Variants in EPX observed in about 807,000 individuals in gnomAD.
The protein encoded by EPX is eosinophil peroxidase.
Under a neutral mutation model 73.0 loss-of-function variants are expected in EPX, and 60 were observed. The ratio of observed to expected loss-of-function variants is 0.82; its 90% CI spans 0.67 to 1.02. The LOEUF (loss-of-function observed/expected upper bound fraction) is 1.02. EPX is among the 50% of genes least tolerant of loss of function. The pLI, the probability that EPX is intolerant of heterozygous loss-of-function variation, is 0.00. For synonymous variants in EPX, 347 were observed against 389.2 expected (o/e 0.89, Z 1.28); for missense variants, 950 against 973.9 (o/e 0.98, Z 0.33).
chr17:58,193,077 G>T lies in EPX; in HGVS notation c.116G>T (p.Cys39Phe). 6.2e-7 allele frequency: 1 copy of T among 1,612,596 alleles called. No homozygotes were observed. Among genetic ancestry groups the T allele is most frequent in the Non-Finnish European group, 8.5e-7 (1 of 1,179,100 alleles). ...GTGGAGACCTCGGTCCTGCGAGACT[G>T]CATAGCAGAGGCCAAGTTGCTGGTG... ...GAVETSVLRDCIAEAKLLVDA... is the reference protein window; with the variant it reads ...GAVETSVLRDFIAEAKLLVDA... Residue 39 changes from cysteine to phenylalanine, a missense_variant, in exon 2 of 13, where the codon TGC becomes TTC. Cys to Phe is a radical substitution (Grantham distance 205). Transcript: ENST00000225371.
intron 6 of EPX, 74 bp from the exon 7 acceptor site, chr17:58,196,865 A>G: frequency 8.5e-7 from 1 of 1,176,654 alleles, no homozygotes; most frequent in African/African-American, 1.5e-5. Context: ...GGTTTTGAGG[A>G]GGTGGAAGAT....
In EPX at chr17:58,199,142, G is replaced by C. The variant is rs184419194; in HGVS notation, c.1223G>C (p.Arg408Pro). The C allele has an allele frequency of 2.5e-6, 4 of 1,613,950 alleles. No homozygotes were observed. Among genetic ancestry groups the C allele is most frequent in the African/African-American group, 2.7e-5 (2 of 74,910 alleles). ...LATELRRLNP[R>P]WNGDKLYNEA... ...ACCGAGCTGAGACGCCTGAATCCCC[G>C]GTGGAATGGAGACAAACTGTACAAT... is the stretch of plus-strand genomic sequence containing the variant. Residue 408 changes from arginine to proline, a missense_variant, in exon 8 of 13, where the codon CGG (arginine) becomes CCG (proline). Coordinates refer to ENST00000225371, the MANE Select transcript of EPX (RefSeq NM_000502.6).
intron 2 of EPX, 36 bp downstream of exon 2, chr17:58,193,167 G>T: frequency 6.9e-7 from 1 of 1,447,448 alleles, no homozygotes; most frequent in South Asian, 1.1e-5. Context: ...GGGCCTGGGA[G>T]GATCAGTGAG....
intron 8 of EPX, 106 bp downstream of exon 8, chr17:58,199,306 A>AC (rs1968305627): frequency 3.9e-6 from 5 of 1,289,762 alleles, no homozygotes. Context: ...GGTCTGGGCA[A>AC]CTGGCGGAGC....
In EPX at chr17:58,204,286, T is replaced by C. The variant is rs754198649; in HGVS notation, c.2011T>C (p.Leu671=). ...GCGCAAGGCCCTGAGCAGAATTTCC[T>C]TGTCTCGAATTATATGTGACAATAC... The part of the protein sequence containing the change: ...RQRKALSRIS[L]SRIICDNTGI... Residue 671 remains leucine, a synonymous_variant, in exon 12 of 13, where the codon TTG becomes CTG. Coordinates refer to ENST00000225371, the MANE Select transcript of EPX (RefSeq NM_000502.6). The C allele has an allele frequency of 3.7e-6, 6 of 1,614,120 alleles. No homozygotes were observed. The South Asian group carries it at 6.6e-5, about 18-fold the overall frequency.
intron 11 of EPX, 57 bp downstream of exon 11, chr17:58,203,375 G>A: frequency 9.0e-7 from 1 of 1,113,654 alleles, no homozygotes; most frequent in Non-Finnish European, 1.4e-6. Context: ...AAAAACACTA[G>A]CATTTCAAGA....
chr17:58,193,445 C>T lies in EPX; in HGVS notation c.245C>T (p.Ala82Val), dbSNP rs144925948. Reference sequence around the variant, plus strand: ...TCCTACTTCAAACAACCGGTAGCAGCCACCAGGACAGTTGTTCGGGCCGCA... The same window carrying T: ...TCCTACTTCAAACAACCGGTAGCAGTCACCAGGACAGTTGTTCGGGCCGCA... Reference protein sequence around the residue: ...LLSYFKQPVAATRTVVRAADY... With the variant: ...LLSYFKQPVAVTRTVVRAADY... Residue 82 changes from alanine (A) to valine (V), a missense_variant, in exon 3 of 13, where the codon GCC (alanine) becomes GTC (valine). Transcript: ENST00000225371. The T allele has an allele frequency of 1.4e-5, 23 of 1,614,024 alleles. No individual in the cohort carries two copies. Among genetic ancestry groups the T allele is most frequent in the Admixed American group, 5.0e-5 (3 of 60,010 alleles).
At position 58,199,641 on chromosome 17, in the gene EPX, G is replaced by A. The variant is rs1968311546; in HGVS notation, c.1384G>A (p.Val462Met). The A allele has an allele frequency of 6.2e-7, 1 of 1,614,226 alleles. No individual in the cohort carries two copies. The highest frequency in any genetic ancestry group is 1.3e-5 in the African/African-American group (1 of 75,068). The part of the protein sequence containing the change: ...RGYCSNVDPR[V>M]ANVFTLAFRF... ...GTACTGCTCCAATGTGGACCCACGGGTGGCCAATGTCTTCACCCTGGCCTT... is the reference window on the plus strand; with the variant it reads ...GTACTGCTCCAATGTGGACCCACGGATGGCCAATGTCTTCACCCTGGCCTT... Residue 462 changes from valine to methionine, a missense_variant, in exon 9 of 13, where the codon GTG (valine) becomes ATG (methionine). Coordinates refer to ENST00000225371, the MANE Select transcript of EPX (RefSeq NM_000502.6).
rs748790405 is a variant in EPX, at chr17:58,196,958, G to A, written c.821G>A (p.Arg274His). 14 of 1,613,630 alleles carry A rather than the reference G, an allele frequency of 8.7e-6. No homozygotes were observed. Among genetic ancestry groups the A allele is most frequent in the East Asian group, 6.7e-5 (3 of 44,888 alleles). ...TCTCAGATCCCACCCAATGACCCCC[G>A]CATCAAGAACCAGCGTGACTGCATC... ...FPIKIPPNDP[R>H]IKNQRDCIPF... The change falls in exon 7 of 13, where the codon CGC becomes CAC. Residue 274 changes from arginine (R) to histidine (H), a missense_variant. Arg to His is a conservative substitution (Grantham distance 29). Coordinates refer to ENST00000225371, the MANE Select transcript of EPX (RefSeq NM_000502.6).
chr17:58,193,019 T>C lies in EPX; in HGVS notation c.77-19T>C. The C allele has an allele frequency of 2.5e-6, 4 of 1,600,040 alleles. No homozygotes were observed. The highest frequency in any genetic ancestry group is 3.4e-6 in the Non-Finnish European group (4 of 1,167,238). On this transcript the variant is annotated intron_variant, in intron 1 of 12. Coordinates refer to ENST00000225371, the MANE Select transcript of EPX (RefSeq NM_000502.6). ...GTCTTGTGGCTTGCTGAACCCTGAG[T>C]CCCCATCTCTTTGAACAGCCTCCCC...
rs200181521 is a variant in EPX, at chr17:58,196,919, T to C, written c.802-20T>C. 515 of 1,609,948 alleles carry C rather than the reference T, an allele frequency of 3.2e-4. No individual in the cohort carries two copies. The highest frequency in any genetic ancestry group is 1.8e-3 in the Middle Eastern group (11 of 6,054). On this transcript the variant is annotated intron_variant, in intron 6 of 12. Transcript: ENST00000225371. ...TGCTATTGAGGGGGCCCCATGTCACTGTCTCCTCTTCCATCTCAGATCCCA... is the reference window on the plus strand; with the variant it reads ...TGCTATTGAGGGGGCCCCATGTCACCGTCTCCTCTTCCATCTCAGATCCCA...
At chr17:58,200,422 C>T (rs1968324390) in intron 10 of EPX, 27 bp downstream of exon 10, 1 of 1,611,928 alleles carries the variant, frequency 6.2e-7, no homozygotes, top group Non-Finnish European at 8.5e-7. Flanking sequence ...CCTCTTCTCC[C>T]AGCTTTGCTC....
rs1026312027 is a variant in EPX, at chr17:58,204,120, A to C, written c.1947-102A>C. Reference sequence around the variant, plus strand: ...CCAATCTTGCAGGAATTTTGTGAGAATTGAATGGAATAATATATGTAAAGT... The same window carrying C: ...CCAATCTTGCAGGAATTTTGTGAGACTTGAATGGAATAATATATGTAAAGT... On this transcript the variant is annotated intron_variant, in intron 11 of 12. Transcript: ENST00000225371. The C allele has an allele frequency of 8.3e-6, 7 of 838,760 alleles. No homozygotes were observed. The African/African-American group carries it at 1.0e-4, about 12-fold the overall frequency. 52.0% of individuals were successfully genotyped at this position (838,760 alleles called of 1,614,324 possible). A position where few individuals can be genotyped will look rare whatever the true frequency, so the allele number is the denominator to read the frequency against.
chr17:58,197,962 A>G (rs578004295), intron 7 of EPX, among the ~76,000 whole-genome samples: 223 of 152,110 alleles, frequency 1.5e-3, no homozygotes, highest in African/African-American at 4.0e-3. Context: ...CAGCCTCCCG[A>G]GTAGCTGGAA....
Position 58,192,873 on chromosome 17 carries a change from G to C in EPX, c.27G>C (p.Gly9=). MHLLPALA[G]VLATLVLAQP... ...TGCATCTGCTCCCAGCCCTGGCAGG[G>C]GTCCTGGCCACACTCGTCCTCGCCC... is the stretch of plus-strand genomic sequence containing the variant. Residue 9 remains glycine, a synonymous_variant, in exon 1 of 13, where the codon GGG becomes GGC. Coordinates refer to ENST00000225371, the MANE Select transcript of EPX (RefSeq NM_000502.6). The C allele has an allele frequency of 6.2e-7, 1 of 1,614,130 alleles. No homozygotes were observed. The highest frequency in any genetic ancestry group is 8.5e-7 in the Non-Finnish European group (1 of 1,179,992).
intron 11 of EPX, among the ~76,000 whole-genome samples, chr17:58,203,915 G>C (rs1366235042): frequency 9.8e-6 from 1 of 101,612 alleles, no homozygotes; most frequent in East Asian, 3.3e-4. Context: ...CTGGGCGACA[G>C]AGCGAGACTC....
intron 10 of EPX, among the ~76,000 whole-genome samples, chr17:58,200,662 G>A (rs1289846336): frequency 6.6e-6 from 1 of 152,186 alleles, no homozygotes; most frequent in Non-Finnish European, 1.5e-5. Flanking sequence ...AAAAAGGGAG[G>A]CTCGAACTTT....
Position 58,204,412 on chromosome 17 carries a change from C to G in EPX, c.2137C>G (p.Arg713Gly), listed in dbSNP as rs757233476. 1 of 1,613,310 alleles carries G rather than the reference C, an allele frequency of 6.2e-7. No homozygotes were observed. The highest frequency in any genetic ancestry group is 1.7e-5 in the Admixed American group (1 of 60,024). ...CCCCAGGTTGAACCTATCAGCCTGG[C>G]GAGGGACATGAGGCTTCTGCAGGTA... ...RIPRLNLSAWRGT is the reference protein window; with the variant it reads ...RIPRLNLSAWGGT Residue 713 changes from arginine (R) to glycine (G), a missense_variant, in exon 12 of 13, where the codon CGA (arginine) becomes GGA (glycine). Transcript: ENST00000225371.
At chr17:58,199,236 C>G in intron 8 of EPX, 36 bp downstream of exon 8, 1 of 1,605,714 alleles carries the variant, frequency 6.2e-7, no homozygotes, top group Non-Finnish European at 8.5e-7. Flanking sequence ...CCCCAGATGA[C>G]AAGCTTGGCA....
Sources: gnomAD v4.1 joint callset for allele counts (sites outside exome capture counted in the v4.1 genomes callset) on GRCh38, gnomAD v4.1.1 for gene constraint, MANE v1.5 for transcripts, NCBI Gene and HGNC (gene_info 2026-07-23, HGNC 2026-07-21) for gene names.